The following CFAP97D2 variants were observed in gnomAD, a reference collection of about 807,000 sequenced individuals.
CFAP97D2 encodes uncharacterized protein CFAP97D2.
At position 114,186,582 on chromosome 13, in the gene CFAP97D2, G is replaced by T. The variant is rs1053108677; in HGVS notation, c.90+7162G>T. Among the ~76,000 whole-genome samples the T allele has an allele frequency of 3.3e-5, 5 of 152,192 alleles. No homozygotes were observed. Among genetic ancestry groups the T allele is most frequent in the Non-Finnish European group, 7.3e-5 (5 of 68,028 alleles). ...GAGAAAAGAGCTGAGGCTCTTGGGGGGTCCCAGACCTGGGAGCTCCCTGAG... is the reference window on the plus strand; with the variant it reads ...GAGAAAAGAGCTGAGGCTCTTGGGGTGTCCCAGACCTGGGAGCTCCCTGAG... On this transcript the variant is annotated intron_variant, in intron 1 of 4. Transcript: ENST00000646158. This position sits in a 1 kb window ranked among gnomAD's most constrained non-coding sequence, Gnocchi z 4.3.
upstream of CFAP97D2, chr13:114,179,315 C>T (rs1166554370): frequency 5.0e-6 from 2 of 398,752 alleles, no homozygotes; most frequent in East Asian, 3.6e-5. The surrounding 1 kb of genome is among the most constrained non-coding windows in gnomAD (Gnocchi z 4.8). Context: ...ATGAGCAAGA[C>T]GATTTTGTTG....
In CFAP97D2 at chr13:114,185,474, C is replaced by T. The variant is rs1345131850; in HGVS notation, c.90+6054C>T. Among the ~76,000 whole-genome samples the T allele has an allele frequency of 6.6e-6, 1 of 152,202 alleles. No homozygotes were observed. Among genetic ancestry groups the T allele is most frequent in the East Asian group, 1.9e-4 (1 of 5,194 alleles). On this transcript the variant is annotated intron_variant, in intron 1 of 4. Coordinates refer to ENST00000646158, the Ensembl canonical transcript of CFAP97D2. This position sits in a 1 kb window ranked among gnomAD's most constrained non-coding sequence, Gnocchi z 5.2. ...GCCAGGAATGAGTGGGAGCCCCACC[C>T]CTTCTGAGTTGGCATGTCAGGAGCT... is the stretch of plus-strand genomic sequence containing the variant.
At chr13:114,180,179 G>A (rs1267418329) in intron 1 of CFAP97D2, among the ~76,000 whole-genome samples, 1 of 152,230 alleles carries the variant, frequency 6.6e-6, no homozygotes, top group African/African-American at 2.4e-5. Flanking sequence ...CATGTGTGTT[G>A]ATCAGGCTGG....
chr13:114,200,098 T>G (rs148121010), intron 2 of CFAP97D2, among the ~76,000 whole-genome samples: 32 of 109,642 alleles, frequency 2.9e-4, no homozygotes, highest in South Asian at 7.8e-4. Flanking sequence ...GTCCCCGTGC[T>G]TACGGTCCCC....
intron 3 of CFAP97D2, among the ~76,000 whole-genome samples, chr13:114,208,992 TA>T (rs1432729056): frequency 2.0e-5 from 3 of 152,122 alleles, no homozygotes; most frequent in African/African-American, 7.2e-5. Flanking sequence ...GGTTTTTGGA[TA>T]TAGAAGGTGA....
intron 2 of CFAP97D2, among the ~76,000 whole-genome samples, chr13:114,198,484 A>G (rs1188105113): frequency 6.6e-6 from 1 of 152,252 alleles, no homozygotes; most frequent in Non-Finnish European, 1.5e-5. Context: ...AAAATATAAA[A>G]AAGATTTCCT....
At chr13:114,180,528 G>A (rs983305686) in intron 1 of CFAP97D2, among the ~76,000 whole-genome samples, 2 of 152,038 alleles carry the variant, frequency 1.3e-5, no homozygotes, top group Non-Finnish European at 2.9e-5. Context: ...CCCCTCTGCC[G>A]CTCTCTGGTT....
chr13:114,213,283 C>T lies in CFAP97D2; in HGVS notation c.480+1182C>T, dbSNP rs1217779220. Among the ~76,000 whole-genome samples the T allele has an allele frequency of 3.3e-5, 5 of 151,910 alleles. No individual in the cohort carries two copies. In the East Asian group the frequency reaches 9.7e-4, roughly 29 times the overall value. On this transcript the variant is annotated intron_variant, in intron 4 of 4. Coordinates refer to ENST00000646158, the Ensembl canonical transcript of CFAP97D2. ...ACCATGGACCCCACCCCTGCACAAA[C>T]TCCAGAACCACAGACCCCACCCCTG...
intron 4 of CFAP97D2, among the ~76,000 whole-genome samples, chr13:114,218,450 C>G (rs1204047487): frequency 6.6e-6 from 1 of 152,158 alleles, no homozygotes; most frequent in African/African-American, 2.4e-5. Context: ...GGCCATACTG[C>G]CCAAGGTAAT....
rs1426890924 is a variant in CFAP97D2, at chr13:114,207,951, G to A, written c.291-3961G>A. The stretch of plus-strand genomic sequence containing the variant: ...AGCAAGGAGAAGCTGTATCCAGAAA[G>A]TAAAGAATCTGTAATCAATGCATCT... On this transcript the variant is annotated intron_variant, in intron 3 of 4. Coordinates refer to ENST00000646158, the Ensembl canonical transcript of CFAP97D2. The surrounding 1 kb of genome is among the most constrained non-coding windows in gnomAD (Gnocchi z 4.9). 1.3e-5 allele frequency among the ~76,000 whole-genome samples: 2 copies of A among 152,176 alleles called. No homozygotes were observed. Among genetic ancestry groups the A allele is most frequent in the Non-Finnish European group, 2.9e-5 (2 of 68,034 alleles).
At chr13:114,196,375 C>T (rs1232577979) in intron 1 of CFAP97D2, 21 bp from the exon 2 acceptor site, 11 of 399,582 alleles carry the variant, frequency 2.8e-5, no homozygotes, top group African/African-American at 1.4e-4. Context: ...GCCCAGGTAA[C>T]GCTGCCTCCT....
Position 114,203,139 on chromosome 13 carries a change from C to T in CFAP97D2, c.290+2696C>T, listed in dbSNP as rs146668537. Among the ~76,000 whole-genome samples the T allele has an allele frequency of 1.3e-5, 2 of 152,288 alleles. No individual in the cohort carries two copies. Among genetic ancestry groups the T allele is most frequent in the Admixed American group, 6.5e-5 (1 of 15,304 alleles). On this transcript the variant is annotated intron_variant, in intron 3 of 4. Transcript: ENST00000646158. This position sits in a 1 kb window ranked among gnomAD's most constrained non-coding sequence, Gnocchi z 4.3. ...AAGGAAGAAGCAAACTATTTCTATT[C>T]ACAGATGATATGATCTTGCATATAG...
chr13:114,182,353 G>A (rs187621393), intron 1 of CFAP97D2, among the ~76,000 whole-genome samples: 50 of 152,212 alleles, frequency 3.3e-4, no homozygotes, highest in Non-Finnish European at 5.0e-4. Context: ...TCCTATCTCA[G>A]AATTGAACAA....
intron 2 of CFAP97D2, 76 bp from the exon 3 acceptor site, chr13:114,200,249 C>G: frequency 2.5e-6 from 1 of 393,526 alleles, no homozygotes; most frequent in Non-Finnish European, 4.4e-6. Flanking sequence ...CCAGGGCACT[C>G]AAGTCACAGA....
At chr13:114,205,541 T>C (rs1284890787) in intron 3 of CFAP97D2, among the ~76,000 whole-genome samples, 1 of 152,232 alleles carries the variant, frequency 6.6e-6, no homozygotes, top group South Asian at 2.1e-4. Flanking sequence ...TGGATGTCTT[T>C]TATTTTCATG....
At chr13:114,195,496 G>C (rs951211830) in intron 1 of CFAP97D2, among the ~76,000 whole-genome samples, 1 of 152,110 alleles carries the variant, frequency 6.6e-6, no homozygotes, top group Non-Finnish European at 1.5e-5. Context: ...CAATGCTGTC[G>C]CCTTCAGGTT....
intron 3 of CFAP97D2, among the ~76,000 whole-genome samples, chr13:114,205,118 C>T (rs970421531): frequency 3.6e-4 from 55 of 152,214 alleles, no homozygotes; most frequent in African/African-American, 1.2e-3. Flanking sequence ...GAAACCACAA[C>T]GTGATAGCAC....
intron 4 of CFAP97D2, among the ~76,000 whole-genome samples, chr13:114,221,488 A>G (rs892006447): frequency 2.0e-5 from 3 of 152,254 alleles, no homozygotes; most frequent in East Asian, 1.9e-4. Flanking sequence ...CAAATGGCCA[A>G]TAAGTGCATG....
chr13:114,212,775 C>T (rs889022294), intron 4 of CFAP97D2, among the ~76,000 whole-genome samples: 2 of 152,136 alleles, frequency 1.3e-5, no homozygotes, highest in African/African-American at 2.4e-5. Flanking sequence ...TCACTTGAAC[C>T]CAGGAGACGG....
Sources: allele counts gnomAD v4.1 joint callset (sites outside exome capture counted in the v4.1 genomes callset), GRCh38; gene constraint gnomAD v4.1.1; non-coding constraint Gnocchi (gnomAD v3.1); transcripts MANE v1.5; gene names NCBI Gene and HGNC (gene_info 2026-07-23, HGNC 2026-07-21).